Variants in UGT3A2 observed in about 807,000 individuals in gnomAD.
UGT3A2 encodes the protein UDP glycosyltransferase family 3 member A2, also known as UDP-glycosyltransferase 3A2.
Under a neutral mutation model 39.8 loss-of-function variants are expected in UGT3A2, and 32 were observed. The observed-to-expected ratio is 0.80, with a 90% CI of 0.61 to 1.08. UGT3A2 has a LOEUF of 1.08. UGT3A2 is among the 50% of genes least tolerant of loss of function. The pLI is 0.00. For synonymous variants in UGT3A2, 241 were observed against 230.7 expected, an observed-to-expected ratio of 1.04 and a Z score of -0.40; for missense variants, 611 against 637.1, an observed-to-expected ratio of 0.96 and a Z score of 0.44.
At chr5:36,055,139 CA>C (rs1261529361) in intron 2 of UGT3A2, among the ~76,000 whole-genome samples, 26 of 145,628 alleles carry the variant, frequency 1.8e-4, no homozygotes, top group East Asian at 4.0e-4. Flanking sequence ...GACTTCATCT[CA>C]AAAAAAAAAA....
At chr5:36,058,891 G>A (rs1041273069) in intron 2 of UGT3A2, among the ~76,000 whole-genome samples, 1 of 152,186 alleles carries the variant, frequency 6.6e-6, no homozygotes, top group African/African-American at 2.4e-5. Context: ...AGTGGTGCCT[G>A]AACAGGGATA....
At chr5:36,042,614 A>C (rs914544288) in intron 4 of UGT3A2, among the ~76,000 whole-genome samples, 5 of 152,176 alleles carry the variant, frequency 3.3e-5, no homozygotes, top group African/African-American at 1.2e-4. Context: ...GAATAAAAAA[A>C]GAGACTTAAC....
Position 36,049,395 on chromosome 5 carries a change from C to A in UGT3A2, c.337G>T (p.Val113Phe), listed in dbSNP as rs776579899. 1.3e-6 allele frequency: 2 copies of A among 1,568,890 alleles called. No homozygotes were observed. Among genetic ancestry groups the A allele is most frequent in the South Asian group, 1.2e-5 (1 of 83,244 alleles). ...GRGKFENLLNVLEYLALQCSH... is the reference protein window; with the variant it reads ...GRGKFENLLNFLEYLALQCSH... ...CACTGCAACGCCAAGTATTCTAGAA[C>A]ATTTAATAAGTTTTCAAATTTTCCT... is the stretch of plus-strand genomic sequence containing the variant. The change falls in exon 4 of 7, where the codon GTT (valine) becomes TTT (phenylalanine). Residue 113 changes from valine (V) to phenylalanine (F), a missense_variant. By Grantham distance (50) the Val-to-Phe change is conservative (BLOSUM62 -1). Coordinates refer to ENST00000282507, the MANE Select transcript of UGT3A2 (RefSeq NM_174914.4).
At chr5:36,053,339 T>A (rs910952940) in intron 2 of UGT3A2, among the ~76,000 whole-genome samples, 2 of 152,200 alleles carry the variant, frequency 1.3e-5, no homozygotes, top group African/African-American at 4.8e-5. Context: ...TTATTGAGCA[T>A]CTCTGTGCCC....
chr5:36,036,083 T>C, intron 6 of UGT3A2, 109 bp from the exon 7 acceptor site: 2 of 1,393,392 alleles, frequency 1.4e-6, no homozygotes, highest in South Asian at 2.8e-5. Flanking sequence ...GGAAATTCTG[T>C]TGGCTTTGCA....
At chr5:36,064,394 A>C (rs753627871) in intron 1 of UGT3A2, 44 bp from the exon 2 acceptor site, 1 of 1,515,892 alleles carries the variant, frequency 6.6e-7, no homozygotes, top group South Asian at 1.1e-5. Context: ...ATGAGAATAC[A>C]GTGTCTGAAG....
intron 3 of UGT3A2, among the ~76,000 whole-genome samples, chr5:36,051,138 T>C (rs1205274128): frequency 6.6e-6 from 1 of 152,114 alleles, no homozygotes; most frequent in Admixed American, 6.5e-5. Context: ...AGGGAGGCTT[T>C]ATGGAAAAAG....
At chr5:36,065,641 T>A (rs1306770101) in intron 1 of UGT3A2, among the ~76,000 whole-genome samples, 1 of 152,174 alleles carries the variant, frequency 6.6e-6, no homozygotes, top group Non-Finnish European at 1.5e-5. Flanking sequence ...CAGTGATTTT[T>A]GAAAATCCCC....
At chr5:36,037,015 T>C (rs2453301) in intron 6 of UGT3A2, among the ~76,000 whole-genome samples, 145,074 of 152,302 alleles carry the variant, frequency 0.95, 69,147 homozygotes, top group South Asian at 0.99. Flanking sequence ...CTGTGCTAGG[T>C]GCTAAGAAGA....
intron 5 of UGT3A2, among the ~76,000 whole-genome samples, chr5:36,038,368 T>A (rs1378894367): frequency 6.6e-6 from 1 of 152,204 alleles, no homozygotes; most frequent in Non-Finnish European, 1.5e-5. Flanking sequence ...GTATTCTGTG[T>A]GTCTCTCTGT....
chr5:36,052,028 C>T (rs1266295507), intron 2 of UGT3A2, 44 bp from the exon 3 acceptor site: 2 of 1,212,698 alleles, frequency 1.6e-6, no homozygotes, highest in African/African-American at 1.5e-5. Context: ...AAATATGCTA[C>T]ACAAAAGAGT....
intron 4 of UGT3A2, among the ~76,000 whole-genome samples, chr5:36,042,653 T>A (rs1351833350): frequency 6.6e-6 from 1 of 151,506 alleles, no homozygotes; most frequent in African/African-American, 2.4e-5. Flanking sequence ...ACACTGCCTA[T>A]AAAAACACAC....
In UGT3A2 at chr5:36,039,712, G is replaced by C; in HGVS notation, c.844-4C>G. ...TGGCAATGAAGTTCTCCAAGTCCTG[G>C]AGAAAGATTACCAAGGTAAAGAGGT... On this transcript the variant is annotated splice_region_variant and splice_polypyrimidine_tract_variant and intron_variant, in intron 4 of 6. Transcript: ENST00000282507. 6.2e-7 allele frequency: 1 copy of C among 1,613,820 alleles called. No individual in the cohort carries two copies. The highest frequency in any genetic ancestry group is 2.2e-5 in the East Asian group (1 of 44,886).
At chr5:36,046,113 C>T (rs527752468) in intron 4 of UGT3A2, among the ~76,000 whole-genome samples, 1 of 152,292 alleles carries the variant, frequency 6.6e-6, no homozygotes, top group Admixed American at 6.5e-5. Context: ...ATCCAAAAGA[C>T]AGGCAATAAC....
Position 36,066,818 on chromosome 5 carries a change from A to C in UGT3A2, c.-29T>G. 9.2e-5 allele frequency: 148 copies of C among 1,606,230 alleles called. No individual in the cohort carries two copies. Among genetic ancestry groups the C allele is most frequent in the African/African-American group, 1.3e-4 (10 of 74,952 alleles). On this transcript the variant is annotated 5_prime_UTR_variant, in exon 1 of 7. Transcript: ENST00000282507. ...CACTTCTACGGAAGCCGCGGATCTC[A>C]GCCTGGGCTGCGCGCCCTGCGCCCG...
At chr5:36,043,837 C>G (rs1052942647) in intron 4 of UGT3A2, among the ~76,000 whole-genome samples, 21 of 152,152 alleles carry the variant, frequency 1.4e-4, no homozygotes, top group East Asian at 5.8e-4. Context: ...AGACCAATAA[C>G]AAGTAACGAG....
rs760693903 is a variant in UGT3A2, at chr5:36,049,183, A to G, written c.549T>C (p.Tyr183=). ...LEFGLPIPLS[Y]VPVFRSLLTD... is the part of the protein sequence containing the mutation. ...TCAGCAAGGAACGGAATACTGGAAC[A>G]TAAGACAAGGGGATTGGTAGCCCAA... Residue 183 remains tyrosine, a synonymous_variant, in exon 4 of 7, where the codon TAT becomes TAC. Transcript: ENST00000282507. 4 of 1,614,242 alleles carry G rather than the reference A, an allele frequency of 2.5e-6. No individual in the cohort carries two copies. In the East Asian group the frequency reaches 6.7e-5, roughly 27 times the overall value.
chr5:36,066,661 G>C (rs781626981), intron 1 of UGT3A2, 35 bp downstream of exon 1: 1 of 1,613,000 alleles, frequency 6.2e-7, no homozygotes, highest in Non-Finnish European at 8.5e-7. Context: ...TATCCGGGAC[G>C]CGCCTGTCTG....
intron 6 of UGT3A2, among the ~76,000 whole-genome samples, chr5:36,036,253 G>A (rs537422261): frequency 6.6e-6 from 1 of 152,182 alleles, no homozygotes; most frequent in African/African-American, 2.4e-5. Flanking sequence ...AATTATATAT[G>A]ATGTAATTAT....
Sources: gnomAD v4.1 joint callset for allele counts (sites outside exome capture counted in the v4.1 genomes callset) on GRCh38, gnomAD v4.1.1 for gene constraint, MANE v1.5 for transcripts, NCBI Gene and HGNC (gene_info 2026-07-23, HGNC 2026-07-21) for gene names.